Variants in TNFSF4 observed in about 807,000 individuals in gnomAD.
TNFSF4 encodes tumor necrosis factor ligand superfamily member 4.
In TNFSF4, 4 loss-of-function variants were observed where a neutral mutation model predicts 7.3. That is an observed-to-expected ratio of 0.55 (90% CI 0.27 to 1.25). The LOEUF (loss-of-function observed/expected upper bound fraction) is 1.25, where lower values mean the gene tolerates loss of function less well. TNFSF4 is among the 50% of genes most tolerant of loss of function. The pLI is 0.12. For missense variants in TNFSF4, 181 were observed against 208.8 expected (o/e 0.87, Z 0.82); for synonymous variants, 76 against 83.7 (o/e 0.91, Z 0.50).
chr1:173,214,634 G>A, the TNFSF4 span, among the ~76,000 whole-genome samples: 1 of 152,200 alleles, frequency 6.6e-6, no homozygotes, highest in South Asian at 2.1e-4. Context: ...AAGTTTATAA[G>A]TTTGTGTTGG....
chr1:173,378,256 G>A, the TNFSF4 span, among the ~76,000 whole-genome samples: 1 of 151,028 alleles, frequency 6.6e-6, no homozygotes, highest in Non-Finnish European at 1.5e-5. Context: ...CTGCATCAGT[G>A]AGCACAACTA....
intron 1 of TNFSF4, among the ~76,000 whole-genome samples, chr1:173,190,158 G>A (rs953525119): frequency 3.3e-5 from 5 of 152,052 alleles, no homozygotes; most frequent in Admixed American, 1.3e-4. Flanking sequence ...GGCCAAGATC[G>A]CCCCACTACG....
the TNFSF4 span, among the ~76,000 whole-genome samples, chr1:173,244,234 C>A: frequency 6.6e-6 from 1 of 152,134 alleles, no homozygotes; most frequent in Non-Finnish European, 1.5e-5. Flanking sequence ...AGGGCTGAGT[C>A]CCATGTCTGG....
At chr1:173,391,310 GTCTCTC>G in the TNFSF4 span, among the ~76,000 whole-genome samples, 1 of 132,286 alleles carries the variant, frequency 7.6e-6, no homozygotes, top group Admixed American at 8.3e-5. Flanking sequence ...CTTTCTTTCT[GTCTCTC>G]TCTCTCTCTC....
At chr1:173,232,254 A>G in the TNFSF4 span, among the ~76,000 whole-genome samples, 238 of 152,166 alleles carry the variant, frequency 1.6e-3, no homozygotes, top group African/African-American at 5.6e-3. Flanking sequence ...TTCACTCATG[A>G]TTTGGCTCTC....
the TNFSF4 span, among the ~76,000 whole-genome samples, chr1:173,292,711 C>A: frequency 1.3e-5 from 2 of 151,954 alleles, no homozygotes; most frequent in African/African-American, 2.4e-5. Flanking sequence ...AATTATCTCT[C>A]TTCACAGATA....
At chr1:173,367,970 T>G in the TNFSF4 span, among the ~76,000 whole-genome samples, 12 of 152,136 alleles carry the variant, frequency 7.9e-5, no homozygotes, top group East Asian at 2.1e-3. Flanking sequence ...GTAGCTAGGA[T>G]TGTAAAATGG....
chr1:173,388,509 G>C, the TNFSF4 span, among the ~76,000 whole-genome samples: 1 of 152,182 alleles, frequency 6.6e-6, no homozygotes, highest in Non-Finnish European at 1.5e-5. Context: ...ATAAGGCTAA[G>C]ATGCTATTTG....
At chr1:173,300,588 C>T in the TNFSF4 span, among the ~76,000 whole-genome samples, 8 of 151,780 alleles carry the variant, frequency 5.3e-5, no homozygotes, top group Admixed American at 3.9e-4. Flanking sequence ...ACTGGATTTG[C>T]GATGCTACAG....
chr1:173,374,060 A>G, the TNFSF4 span, among the ~76,000 whole-genome samples: 15 of 152,220 alleles, frequency 9.9e-5, 1 homozygote, highest in South Asian at 1.0e-3. Context: ...TAACACAAGA[A>G]ACTCATCTCC....
At chr1:173,207,626 G>A (rs956836786), upstream of TNFSF4, among the ~76,000 whole-genome samples, 1 of 152,070 alleles carries the variant, frequency 6.6e-6, no homozygotes, top group Non-Finnish European at 1.5e-5. Context: ...CCTTCCCCAA[G>A]GTGTCTTAAA....
At chr1:173,292,383 A>G in the TNFSF4 span, among the ~76,000 whole-genome samples, 1 of 152,194 alleles carries the variant, frequency 6.6e-6, no homozygotes, top group Non-Finnish European at 1.5e-5. Context: ...AACAAAAACC[A>G]TATGATCATC....
chr1:173,321,350 T>C, the TNFSF4 span, among the ~76,000 whole-genome samples: 63 of 152,116 alleles, frequency 4.1e-4, no homozygotes, highest in African/African-American at 1.5e-3. Context: ...AAGACTTAAA[T>C]GTAAAACCCA....
chr1:173,177,499 T>C, the TNFSF4 span, among the ~76,000 whole-genome samples: 2 of 152,142 alleles, frequency 1.3e-5, no homozygotes, highest in Non-Finnish European at 2.9e-5. Context: ...GGTTCTTACA[T>C]GGGTGACGAA....
chr1:173,184,784 G>C lies in TNFSF4; in HGVS notation c.*1732C>G, dbSNP rs1160375347. On this transcript the variant is annotated 3_prime_UTR_variant, in exon 3 of 3. Coordinates refer to ENST00000281834, the MANE Select transcript of TNFSF4 (RefSeq NM_003326.5). ...TATCATTGAATATCTGTCTCAGAATGATTCTTGTAAATGTAAGTATTTAGC... is the reference window on the plus strand; with the variant it reads ...TATCATTGAATATCTGTCTCAGAATCATTCTTGTAAATGTAAGTATTTAGC... 6.6e-6 allele frequency: 1 copy of C among 152,116 alleles called. No individual in the cohort carries two copies. Among genetic ancestry groups the C allele is most frequent in the Non-Finnish European group, 1.5e-5 (1 of 68,032 alleles). 9.4% of individuals were successfully genotyped at this position (152,116 alleles called of 1,614,324 possible). A position where few individuals can be genotyped will look rare whatever the true frequency, so the allele number is the denominator to read the frequency against.
chr1:173,269,327 C>A, the TNFSF4 span, among the ~76,000 whole-genome samples: 1 of 152,142 alleles, frequency 6.6e-6, no homozygotes, highest in South Asian at 2.1e-4. Context: ...GCATGAAATT[C>A]TTTTTACTTC....
chr1:173,215,013 T>G, the TNFSF4 span, among the ~76,000 whole-genome samples: 3 of 152,098 alleles, frequency 2.0e-5, no homozygotes, highest in Non-Finnish European at 4.4e-5. Flanking sequence ...CAAATTCATA[T>G]GTTGAAGCCC....
At chr1:173,230,462 T>C in the TNFSF4 span, among the ~76,000 whole-genome samples, 5 of 151,888 alleles carry the variant, frequency 3.3e-5, no homozygotes, top group South Asian at 2.1e-4. Flanking sequence ...CACTAAATGC[T>C]CACAAGAGAA....
the TNFSF4 span, among the ~76,000 whole-genome samples, chr1:173,450,487 A>G: frequency 2.0e-5 from 3 of 151,906 alleles, no homozygotes; most frequent in Non-Finnish European, 4.4e-5. Flanking sequence ...TGTCAACCCA[A>G]TATCCTTTAA....
Sources: allele counts gnomAD v4.1 joint callset (sites outside exome capture counted in the v4.1 genomes callset), GRCh38; gene constraint gnomAD v4.1.1; transcripts MANE v1.5; gene names NCBI Gene and HGNC (gene_info 2026-07-23, HGNC 2026-07-21).